Variants in LOC400499 observed in about 807,000 individuals in gnomAD.
At chr16:11,508,029 G>T in the LOC400499 span, among the ~76,000 whole-genome samples, 1 of 152,168 alleles carries the variant, frequency 6.6e-6, no homozygotes, top group African/African-American at 2.4e-5. Context: ...TTGGAAAAAG[G>T]ATCTTTGCAG....
the LOC400499 span, among the ~76,000 whole-genome samples, chr16:11,374,390 A>G: frequency 6.6e-6 from 1 of 152,244 alleles, no homozygotes; most frequent in Non-Finnish European, 1.5e-5. Flanking sequence ...AAAGTACACA[A>G]TTCAGTGTAA....
At chr16:11,462,869 G>A in the LOC400499 span, among the ~76,000 whole-genome samples, 1 of 152,064 alleles carries the variant, frequency 6.6e-6, no homozygotes, top group African/African-American at 2.4e-5. Flanking sequence ...CCTATGGAAC[G>A]CGTCTAGAAT....
chr16:11,383,253 G>C, the LOC400499 span, among the ~76,000 whole-genome samples: 1 of 152,080 alleles, frequency 6.6e-6, no homozygotes, highest in Non-Finnish European at 1.5e-5. Context: ...ATTTTTAGTA[G>C]AGACGGGGTT....
At chr16:11,395,816 C>A in the LOC400499 span, among the ~76,000 whole-genome samples, 1 of 152,192 alleles carries the variant, frequency 6.6e-6, no homozygotes, top group South Asian at 2.1e-4. Context: ...TGCTACGTCA[C>A]GTGCCTTGGC....
the LOC400499 span, among the ~76,000 whole-genome samples, chr16:11,509,117 T>A: frequency 3.1e-4 from 33 of 106,820 alleles, no homozygotes; most frequent in African/African-American, 1.0e-3. Context: ...TATCCTTTTT[T>A]TTCTTTTTTT....
the LOC400499 span, among the ~76,000 whole-genome samples, chr16:11,378,303 G>A: frequency 4.9e-5 from 7 of 143,436 alleles, no homozygotes; most frequent in African/African-American, 7.8e-5. Context: ...TAGCTGTGTC[G>A]CCCAGGCTGG....
the LOC400499 span, among the ~76,000 whole-genome samples, chr16:11,461,400 T>TGTAGAA: frequency 6.6e-6 from 1 of 152,154 alleles, no homozygotes; most frequent in Non-Finnish European, 1.5e-5. Context: ...TTGTATTTTT[T>TGTAGAA]GTAGAAGCAG....
chr16:11,384,413 A>AGAT, the LOC400499 span: 1 of 698,746 alleles, frequency 1.4e-6, no homozygotes, highest in East Asian at 3.4e-5. Flanking sequence ...CCTGTGTGTG[A>AGAT]GATGAGCCTG....
the LOC400499 span, chr16:11,475,503 G>C: frequency 2.5e-6 from 1 of 395,530 alleles, no homozygotes; most frequent in African/African-American, 2.1e-5. Flanking sequence ...ATACTTTTTG[G>C]TTTGCAGAAT....
the LOC400499 span, among the ~76,000 whole-genome samples, chr16:11,411,902 AC>A: frequency 6.8e-6 from 1 of 147,968 alleles, no homozygotes; most frequent in African/African-American, 2.5e-5. Context: ...TTTCTCTGTC[AC>A]CCAGGCTGGA....
chr16:11,487,163 G>A, the LOC400499 span: 4 of 397,776 alleles, frequency 1.0e-5, no homozygotes, highest in Non-Finnish European at 1.8e-5. Context: ...GAACAATGGA[G>A]GCAAGGGATG....
chr16:11,490,827 G>A, the LOC400499 span, among the ~76,000 whole-genome samples: 7 of 152,220 alleles, frequency 4.6e-5, no homozygotes, highest in Non-Finnish European at 1.0e-4. Flanking sequence ...GTAATACACA[G>A]GAGAACTGTT....
At chr16:11,392,057 C>G in the LOC400499 span, 1 of 400,254 alleles carries the variant, frequency 2.5e-6, no homozygotes, top group South Asian at 1.3e-4. Flanking sequence ...TGAACCTTCT[C>G]TTCCAGCCGG....
the LOC400499 span, chr16:11,460,018 G>C: frequency 6.7e-7 from 1 of 1,485,648 alleles, no homozygotes; most frequent in Non-Finnish European, 8.9e-7. Flanking sequence ...AGCTGTGAGT[G>C]CAGGTGGCCC....
At chr16:11,414,544 G>C in the LOC400499 span, 2 of 399,582 alleles carry the variant, frequency 5.0e-6, no homozygotes, top group Non-Finnish European at 8.8e-6. Flanking sequence ...ACTGAAGACA[G>C]CTTCACCTCC....
the LOC400499 span, chr16:11,508,673 G>C: frequency 7.5e-6 from 3 of 398,854 alleles, no homozygotes; most frequent in African/African-American, 6.2e-5. Flanking sequence ...TAGGGACTCA[G>C]GGCCAAGAAA....
chr16:11,457,475 C>T, the LOC400499 span, among the ~76,000 whole-genome samples: 17 of 151,632 alleles, frequency 1.1e-4, no homozygotes, highest in Non-Finnish European at 1.2e-4. Flanking sequence ...CGCCTGTAGT[C>T]CCAGCTACCT....
chr16:11,377,415 C>G, the LOC400499 span, among the ~76,000 whole-genome samples: 1 of 152,152 alleles, frequency 6.6e-6, no homozygotes, highest in South Asian at 2.1e-4. Context: ...TCTTGGAAAA[C>G]TTTGTCTTCA....
At chr16:11,459,311 C>G in the LOC400499 span, among the ~76,000 whole-genome samples, 1 of 150,988 alleles carries the variant, frequency 6.6e-6, no homozygotes, top group East Asian at 2.0e-4. Context: ...ATTCTCCTGC[C>G]TCAGCCTCCC....
Sources: gnomAD v4.1 joint callset for allele counts (sites outside exome capture counted in the v4.1 genomes callset) on GRCh38, gnomAD v4.1.1 for gene constraint, MANE v1.5 for transcripts.